Variants in DENND2A observed in about 807,000 individuals in gnomAD.
DENND2A encodes DENN domain containing 2A.
DENND2A carries 53 observed loss-of-function variants against 105.3 expected under a neutral mutation model. That is an observed-to-expected ratio of 0.50 (90% CI 0.40 to 0.63). DENND2A has a LOEUF of 0.63. Ranked by LOEUF, DENND2A falls within the 30% of genes least tolerant of loss-of-function variation. The probability of loss-of-function intolerance (pLI) is 0.00; values close to 1 mark genes in which losing one functional copy is unlikely to be tolerated. For missense variants in DENND2A, 1,138 were observed against 1,279.6 expected, an observed-to-expected ratio of 0.89 and a Z score of 1.69; for synonymous variants, 522 against 508.4, an observed-to-expected ratio of 1.03 and a Z score of -0.36.
intron 5 of DENND2A, among the ~76,000 whole-genome samples, chr7:140,579,348 A>G (rs1798439748): frequency 6.6e-6 from 1 of 152,070 alleles, no homozygotes; most frequent in African/African-American, 2.4e-5. Flanking sequence ...AAATACGATC[A>G]ATATAAAAAA....
At chr7:140,548,800 A>C (rs1797004801) in intron 12 of DENND2A, among the ~76,000 whole-genome samples, 1 of 150,154 alleles carries the variant, frequency 6.7e-6, no homozygotes. Flanking sequence ...TTTAGTAGAG[A>C]CGGGGTTTCT....
At chr7:140,632,276 T>C (rs919713982) in intron 1 of DENND2A, among the ~76,000 whole-genome samples, 13 of 152,148 alleles carry the variant, frequency 8.5e-5, no homozygotes, top group African/African-American at 2.9e-4. Context: ...CTCTGATTCA[T>C]TGAATGGGAG....
chr7:140,608,168 T>C (rs1799761026), intron 1 of DENND2A, among the ~76,000 whole-genome samples: 1 of 151,836 alleles, frequency 6.6e-6, no homozygotes, highest in Non-Finnish European at 1.5e-5. Flanking sequence ...CATCAGGGAG[T>C]AATAACTTCC....
chr7:140,620,561 T>C (rs1800251095), intron 1 of DENND2A, among the ~76,000 whole-genome samples: 1 of 152,166 alleles, frequency 6.6e-6, no homozygotes. Flanking sequence ...TAATTGCTAT[T>C]GCAAATACAG....
At chr7:140,563,676 TAAAAAAA>T (rs139848094) in intron 9 of DENND2A, among the ~76,000 whole-genome samples, 7 of 29,210 alleles carry the variant, frequency 2.4e-4, no homozygotes, top group South Asian at 1.7e-3. Context: ...ACCATTGCAT[TAAAAAAA>T]AAAAAAAAAA....
chr7:140,641,434 C>G (rs145548792), upstream of DENND2A: 3 of 152,364 alleles, frequency 2.0e-5, no homozygotes, highest in East Asian at 5.8e-4. Flanking sequence ...ACACAGGCTG[C>G]ACAGCAGAAG....
intron 1 of DENND2A, among the ~76,000 whole-genome samples, chr7:140,639,178 C>T (rs1475264819): frequency 6.6e-6 from 1 of 151,912 alleles, no homozygotes; most frequent in Non-Finnish European, 1.5e-5. Context: ...ATGGTGAAAC[C>T]CCGTCTCTAC....
chr7:140,619,486 C>T (rs1233729568), intron 1 of DENND2A, among the ~76,000 whole-genome samples: 1 of 151,034 alleles, frequency 6.6e-6, no homozygotes, highest in Non-Finnish European at 1.5e-5. Flanking sequence ...CACAAATACA[C>T]TAAAAACTCT....
intron 14 of DENND2A, among the ~76,000 whole-genome samples, chr7:140,533,938 G>A (rs972848356): frequency 9.9e-5 from 15 of 152,020 alleles, no homozygotes; most frequent in African/African-American, 3.6e-4. Flanking sequence ...TTTTTAGATG[G>A]AGTCTCACTC....
chr7:140,580,677 C>T (rs1798505550), intron 5 of DENND2A, among the ~76,000 whole-genome samples: 1 of 151,930 alleles, frequency 6.6e-6, no homozygotes, highest in African/African-American at 2.4e-5. Context: ...CATTCTGTTG[C>T]CCAGGCTGGA....
rs943048059 is a variant in DENND2A at position 140,601,631 on chromosome 7, C to T, written c.767G>A (p.Gly256Asp). 6.8e-6 allele frequency: 11 copies of T among 1,612,662 alleles called. No homozygotes were observed. The African/African-American group carries it at 1.1e-4, about 16-fold the overall frequency. Residue 256 changes from glycine (G) to aspartate (D), a missense_variant, in exon 3 of 20, where the codon GGT becomes GAT. Around this residue, in one of 2 missense-constraint regions of DENND2A, gnomAD observed 511 missense variants for 499.9 expected, o/e 1.02. Transcript: ENST00000496613. ...GTTGATGAAGGGCTTTGTGGGGGAACCCTCCGAGCCCCTATACACGTTCTC... is the reference window on the plus strand; with the variant it reads ...GTTGATGAAGGGCTTTGTGGGGGAATCCTCCGAGCCCCTATACACGTTCTC... Reference protein sequence around the residue: ...SLENVYRGSEGSPTKPFINPL... With the variant: ...SLENVYRGSEDSPTKPFINPL...
At chr7:140,579,377 C>T (rs189908462) in intron 5 of DENND2A, among the ~76,000 whole-genome samples, 1 of 148,320 alleles carries the variant, frequency 6.7e-6, no homozygotes, top group East Asian at 1.9e-4. Context: ...ACTGCATATA[C>T]AATATAATGA....
intron 3 of DENND2A, among the ~76,000 whole-genome samples, chr7:140,595,910 G>C (rs1332180204): frequency 6.6e-6 from 1 of 152,130 alleles, no homozygotes; most frequent in Non-Finnish European, 1.5e-5. Flanking sequence ...TCTCCTGAGT[G>C]GCCACGGCAG....
In DENND2A at chr7:140,555,002, GCAATTCT is replaced by G. The variant is rs1159711499; in HGVS notation, c.2037+627_2037+633del. ...CACGCCAAAGCTCATATGACAAAAGGCAATTCTCAGAAGAAGAAAAATAAAACACCTG... is the reference window on the plus strand; with the variant it reads ...CACGCCAAAGCTCATATGACAAAAGGCAGAAGAAGAAAAATAAAACACCTG... On this transcript the variant is annotated intron_variant, in intron 12 of 19. Coordinates refer to ENST00000496613, the MANE Select transcript of DENND2A (RefSeq NM_015689.5). Among the ~76,000 whole-genome samples the G allele has an allele frequency of 1.4e-4, 22 of 152,242 alleles. No individual in the cohort carries two copies. In the East Asian group the frequency reaches 3.7e-3, roughly 25 times the overall value.
chr7:140,542,728 A>T (rs1471822245), intron 14 of DENND2A, among the ~76,000 whole-genome samples: 1 of 151,228 alleles, frequency 6.6e-6, no homozygotes, highest in Non-Finnish European at 1.5e-5. Context: ...ACGCCCAACT[A>T]AATTCTTTTG....
intron 1 of DENND2A, among the ~76,000 whole-genome samples, chr7:140,625,702 AAAAC>A (rs1481593609): frequency 3.3e-5 from 5 of 152,158 alleles, no homozygotes; most frequent in Admixed American, 6.6e-5. Context: ...ACAAAAAACA[AAAAC>A]AAACAAAAAA....
intron 1 of DENND2A, among the ~76,000 whole-genome samples, chr7:140,626,476 G>A (rs1800537421): frequency 6.6e-6 from 1 of 152,194 alleles, no homozygotes; most frequent in Admixed American, 6.5e-5. Context: ...CTCGGGGCCT[G>A]TGCCTCCCAG....
At chr7:140,585,559 C>T in intron 5 of DENND2A, 30 bp downstream of exon 5, 1 of 1,613,518 alleles carries the variant, frequency 6.2e-7, no homozygotes, top group Non-Finnish European at 8.5e-7. Flanking sequence ...TTGGCCCCCT[C>T]TCCTGCCACC....
At chr7:140,555,270 G>A (rs1342619652) in intron 12 of DENND2A, among the ~76,000 whole-genome samples, 2 of 151,694 alleles carry the variant, frequency 1.3e-5, no homozygotes, top group Non-Finnish European at 2.9e-5. Context: ...AGTAGCTGGG[G>A]TTACAGGCGC....
Sources: gnomAD v4.1 joint callset for allele counts (sites outside exome capture counted in the v4.1 genomes callset) on GRCh38, gnomAD v4.1.1 for gene constraint, gnomAD v4.1.1 regional missense constraint, MANE v1.5 for transcripts, NCBI Gene and HGNC (gene_info 2026-07-23, HGNC 2026-07-21) for gene names.